FHIT: variants seen among roughly 807,000 people sequenced by gnomAD.
FHIT encodes the protein bis(5'-adenosyl)-triphosphatase.
FHIT carries 19 observed loss-of-function variants against 17.9 expected under a neutral mutation model. That is an observed-to-expected ratio of 1.06 (90% CI 0.74 to 1.56). FHIT has a LOEUF of 1.56. Ranked by LOEUF, FHIT falls within the 40% of genes most tolerant of loss-of-function variation. The probability of loss-of-function intolerance (pLI) is 0.00; values close to 1 mark genes in which losing one functional copy is unlikely to be tolerated. For missense variants in FHIT, 248 were observed against 189.2 expected, an observed-to-expected ratio of 1.31 and a Z score of -1.82; for synonymous variants, 81 against 69.7, an observed-to-expected ratio of 1.16 and a Z score of -0.81.
chr3:60,659,867 G>A (rs1013045906), intron 4 of FHIT, among the ~76,000 whole-genome samples: 8 of 151,946 alleles, frequency 5.3e-5, no homozygotes, highest in South Asian at 4.2e-4. Flanking sequence ...GTTGAAAACC[G>A]GACATTGAAA....
intron 3 of FHIT, among the ~76,000 whole-genome samples, chr3:60,938,847 T>A (rs1575723399): frequency 6.6e-6 from 1 of 151,330 alleles, no homozygotes; most frequent in South Asian, 2.1e-4. Flanking sequence ...GAAACATAAT[T>A]TGAATGGGAA....
intron 4 of FHIT, among the ~76,000 whole-genome samples, chr3:60,542,574 T>A (rs915523396): frequency 1.3e-5 from 2 of 152,214 alleles, no homozygotes; most frequent in Admixed American, 1.3e-4. Context: ...TTCTTATGAA[T>A]TGCCAATTCA....
chr3:60,836,406 T>C (rs1702542772), intron 3 of FHIT, among the ~76,000 whole-genome samples: 1 of 152,214 alleles, frequency 6.6e-6, no homozygotes, highest in South Asian at 2.1e-4. Context: ...TGGGCCTAAA[T>C]ATTTATTTTC....
chr3:60,848,513 TG>T (rs2106899929), intron 3 of FHIT, among the ~76,000 whole-genome samples: 1 of 152,248 alleles, frequency 6.6e-6, no homozygotes, highest in Non-Finnish European at 1.5e-5. Flanking sequence ...CTTCAACCCC[TG>T]AAGATTTCAA....
chr3:60,732,599 T>A, intron 4 of FHIT: 1 of 561,530 alleles, frequency 1.8e-6, no homozygotes, highest in Non-Finnish European at 3.5e-6. Context: ...GGGCTCCGTG[T>A]CAATGGCAAT....
chr3:61,031,474 G>T (rs1486706939), intron 3 of FHIT, among the ~76,000 whole-genome samples: 1 of 132,494 alleles, frequency 7.5e-6, no homozygotes, highest in Non-Finnish European at 1.6e-5. Context: ...ACTTTATAGA[G>T]AGAAAGAGAT....
chr3:60,200,688 G>A (rs1702861494), intron 5 of FHIT, among the ~76,000 whole-genome samples: 1 of 150,200 alleles, frequency 6.7e-6, no homozygotes, highest in Non-Finnish European at 1.5e-5. Context: ...AAAAAAGGCT[G>A]TCATTGAACT....
At chr3:61,071,617 A>G (rs369899786) in intron 2 of FHIT, among the ~76,000 whole-genome samples, 1 of 152,220 alleles carries the variant, frequency 6.6e-6, no homozygotes, top group East Asian at 1.9e-4. Context: ...AATGTACATG[A>G]CATAAAGTTA....
intron 8 of FHIT, among the ~76,000 whole-genome samples, chr3:59,904,863 G>A (rs1336777100): frequency 1.3e-5 from 2 of 152,224 alleles, no homozygotes; most frequent in Non-Finnish European, 2.9e-5. Flanking sequence ...GGAAGTGCCT[G>A]CTGATTTGTT....
chr3:59,927,020 CA>C lies in FHIT; in HGVS notation c.280-4607del, dbSNP rs1331764877. ...ATATGTCCACACAAAAACTTGTACG[CA>C]AATGTTTACAGCAACATTATTCACA... On this transcript the variant is annotated intron_variant, in intron 7 of 9. Coordinates refer to ENST00000492590, the MANE Select transcript of FHIT (RefSeq NM_002012.4). Among the ~76,000 whole-genome samples, 8 of 152,054 alleles carry C rather than the reference CA, an allele frequency of 5.3e-5. No homozygotes were observed. The East Asian group carries it at 1.5e-3, about 29-fold the overall frequency.
chr3:60,587,521 T>TAA (rs146679068), intron 4 of FHIT, among the ~76,000 whole-genome samples: 9 of 151,636 alleles, frequency 5.9e-5, no homozygotes, highest in African/African-American at 1.5e-4. Flanking sequence ...AAATAAAATT[T>TAA]AAAAAAAACT....
At chr3:60,748,432 C>T (rs782375150) in intron 4 of FHIT, among the ~76,000 whole-genome samples, 2 of 152,154 alleles carry the variant, frequency 1.3e-5, no homozygotes, top group Non-Finnish European at 2.9e-5. Context: ...GACCCTCTCT[C>T]GCCCTCCATC....
chr3:60,402,488 A>G (rs958768932), intron 5 of FHIT, among the ~76,000 whole-genome samples: 5 of 152,198 alleles, frequency 3.3e-5, no homozygotes, highest in Non-Finnish European at 7.3e-5. Flanking sequence ...TGTCCTTTAA[A>G]GAGTACACTA....
At chr3:60,338,618 C>T (rs1710360816) in intron 5 of FHIT, among the ~76,000 whole-genome samples, 1 of 152,162 alleles carries the variant, frequency 6.6e-6, no homozygotes, top group Non-Finnish European at 1.5e-5. Flanking sequence ...ATGGTTACCA[C>T]ATAAAGACTT....
intron 5 of FHIT, among the ~76,000 whole-genome samples, chr3:60,032,270 G>A (rs1701032279): frequency 6.6e-6 from 1 of 151,826 alleles, no homozygotes; most frequent in African/African-American, 2.4e-5. Flanking sequence ...ATCCAGCCTG[G>A]GCAAAGTAGT....
chr3:60,281,596 G>C (rs935278012), intron 5 of FHIT, among the ~76,000 whole-genome samples: 2 of 133,608 alleles, frequency 1.5e-5, no homozygotes, highest in East Asian at 4.9e-4. Context: ...AATAGTGCTA[G>C]AATAACTGGA....
At chr3:60,086,901 C>T (rs1205919217) in intron 5 of FHIT, among the ~76,000 whole-genome samples, 1 of 152,200 alleles carries the variant, frequency 6.6e-6, no homozygotes, top group African/African-American at 2.4e-5. Context: ...CCTTTGGTAG[C>T]TCCACTTCCA....
chr3:60,705,481 T>C (rs2041350321), intron 4 of FHIT, among the ~76,000 whole-genome samples: 1 of 152,200 alleles, frequency 6.6e-6, no homozygotes, highest in Non-Finnish European at 1.5e-5. Context: ...GACACTAATT[T>C]GGATTTAATG....
intron 7 of FHIT, among the ~76,000 whole-genome samples, chr3:59,979,303 T>A (rs1306495090): frequency 6.6e-6 from 1 of 152,142 alleles, no homozygotes; most frequent in Non-Finnish European, 1.5e-5. Context: ...AGTGCATTTA[T>A]ACCTAACTCC....
Sources: allele counts gnomAD v4.1 joint callset (sites outside exome capture counted in the v4.1 genomes callset), GRCh38; gene constraint gnomAD v4.1.1; transcripts MANE v1.5; gene names NCBI Gene and HGNC (gene_info 2026-07-23, HGNC 2026-07-21).